COMMD1: variants seen among roughly 807,000 people sequenced by gnomAD.
COMMD1 encodes copper metabolism domain containing 1.
A neutral mutation model predicts 17.2 loss-of-function variants in COMMD1; 10 were observed. The observed-to-expected ratio is 0.58, with a 90% CI of 0.36 to 0.99. The LOEUF (loss-of-function observed/expected upper bound fraction) is 0.99, where lower values mean the gene tolerates loss of function less well. Among genes scored for constraint, COMMD1 ranks in the 50% least tolerant of loss-of-function variants. COMMD1 has a pLI of 0.01. For missense variants in COMMD1, 270 were observed against 231.8 expected, an observed-to-expected ratio of 1.17 and a Z score of -1.07; for synonymous variants, 97 against 91.6, an observed-to-expected ratio of 1.06 and a Z score of -0.34.
intron 2 of COMMD1, among the ~76,000 whole-genome samples, chr2:62,015,128 T>C (rs961061044): frequency 2.6e-5 from 4 of 152,192 alleles, no homozygotes; most frequent in Non-Finnish European, 2.9e-5. Context: ...TTTGCAGATC[T>C]TTCTTTTTTA....
intron 1 of COMMD1, among the ~76,000 whole-genome samples, chr2:61,917,357 A>T (rs1260600571): frequency 1.4e-5 from 2 of 141,140 alleles, no homozygotes; most frequent in Non-Finnish European, 3.1e-5. Flanking sequence ...ACTCCAGTTT[A>T]AAAAAAAAAA....
chr2:62,084,677 C>G (rs904323838), intron 2 of COMMD1: 3 of 152,158 alleles, frequency 2.0e-5, no homozygotes, highest in Admixed American at 2.0e-4. Context: ...CAGTTGCTTT[C>G]TGAATGGTTT....
At position 61,947,300 on chromosome 2, in the gene COMMD1, G is replaced by A. The variant is rs1445184526; in HGVS notation, c.180+41442G>A. On this transcript the variant is annotated intron_variant, in intron 1 of 2. Transcript: ENST00000311832. ...ATACCTGTCACTTAGTATAACTTAAGGTTTCAAATTACCAAACAGATTTTG... is the reference window on the plus strand; with the variant it reads ...ATACCTGTCACTTAGTATAACTTAAAGTTTCAAATTACCAAACAGATTTTG... 2.0e-5 allele frequency among the ~76,000 whole-genome samples: 3 copies of A among 152,024 alleles called. No homozygotes were observed. In the South Asian group the frequency reaches 6.2e-4, roughly 32 times the overall value.
At chr2:61,955,967 A>T (rs1395063430) in intron 1 of COMMD1, among the ~76,000 whole-genome samples, 1 of 152,192 alleles carries the variant, frequency 6.6e-6, no homozygotes, top group Non-Finnish European at 1.5e-5. Context: ...GATCACAGGC[A>T]TGAGCCACCA....
chr2:61,963,426 G>A (rs563512610), intron 1 of COMMD1, among the ~76,000 whole-genome samples: 1 of 151,848 alleles, frequency 6.6e-6, no homozygotes, highest in South Asian at 2.1e-4. Context: ...ACACCATCTC[G>A]GCTCACTGCA....
chr2:62,005,126 G>A (rs543739550), intron 2 of COMMD1, among the ~76,000 whole-genome samples: 2 of 152,306 alleles, frequency 1.3e-5, no homozygotes, highest in East Asian at 3.9e-4. Context: ...CTGTGGGGAT[G>A]GAACATAGGT....
intron 1 of COMMD1, among the ~76,000 whole-genome samples, chr2:61,976,678 A>G (rs895085769): frequency 5.3e-5 from 8 of 152,218 alleles, no homozygotes; most frequent in African/African-American, 1.9e-4. Context: ...AGTAACATTT[A>G]TGTACTACTA....
At chr2:62,042,658 G>A (rs902101603) in intron 2 of COMMD1, among the ~76,000 whole-genome samples, 15 of 152,194 alleles carry the variant, frequency 9.9e-5, no homozygotes, top group Non-Finnish European at 1.5e-4. Context: ...AGCCAGCCCC[G>A]GCGACGGGCT....
intron 2 of COMMD1, among the ~76,000 whole-genome samples, chr2:62,128,910 C>T (rs914814912): frequency 9.3e-5 from 14 of 151,042 alleles, no homozygotes; most frequent in African/African-American, 3.4e-4. Flanking sequence ...CGAGATCACG[C>T]CACTGCACTC....
chr2:61,922,794 G>A (rs1670232392), intron 1 of COMMD1, among the ~76,000 whole-genome samples: 1 of 152,166 alleles, frequency 6.6e-6, no homozygotes, highest in African/African-American at 2.4e-5. Flanking sequence ...TGTATATCCA[G>A]TATTTAGGAG....
At chr2:62,080,988 T>G (rs1176000450) in intron 2 of COMMD1, among the ~76,000 whole-genome samples, 1 of 152,128 alleles carries the variant, frequency 6.6e-6, no homozygotes, top group Non-Finnish European at 1.5e-5. Context: ...CTTTGTTGTT[T>G]TTATTGGTGT....
chr2:62,080,645 A>G (rs61273581), intron 2 of COMMD1, among the ~76,000 whole-genome samples: 4,785 of 152,320 alleles, frequency 0.031, 122 homozygotes, highest in East Asian at 0.088. Flanking sequence ...ACTGCTACTG[A>G]TAAAACTACT....
At chr2:61,936,189 G>A (rs778292889) in intron 1 of COMMD1, among the ~76,000 whole-genome samples, 4 of 151,982 alleles carry the variant, frequency 2.6e-5, no homozygotes, top group Admixed American at 6.6e-5. Context: ...ACCTATTAGC[G>A]TCTCTGGTAG....
chr2:62,119,049 A>G (rs2104067570), intron 2 of COMMD1: 1 of 152,394 alleles, frequency 6.6e-6, no homozygotes, highest in Non-Finnish European at 1.5e-5. Context: ...ATTTGGAGAT[A>G]AACACATAAA....
At chr2:62,003,053 G>C (rs1014403656) in intron 2 of COMMD1, among the ~76,000 whole-genome samples, 7 of 150,022 alleles carry the variant, frequency 4.7e-5, no homozygotes, top group Non-Finnish European at 5.9e-5. Flanking sequence ...GCCAACATGG[G>C]GAAACCCCAT....
chr2:61,908,825 C>T (rs557369003), intron 1 of COMMD1, among the ~76,000 whole-genome samples: 3 of 152,114 alleles, frequency 2.0e-5, no homozygotes, highest in Non-Finnish European at 4.4e-5. Flanking sequence ...CCTCCACCTC[C>T]CAAAGTGCTG....
chr2:61,990,754 A>C (rs965899105), intron 1 of COMMD1, among the ~76,000 whole-genome samples: 3 of 152,086 alleles, frequency 2.0e-5, no homozygotes, highest in African/African-American at 7.2e-5. Context: ...GGCATGGGAA[A>C]GACCCGCCCC....
In COMMD1 at chr2:62,074,686, A is replaced by G. The variant is rs1177449688; in HGVS notation, c.463-61145A>G. On this transcript the variant is annotated intron_variant, in intron 2 of 2. Coordinates refer to ENST00000311832, the MANE Select transcript of COMMD1 (RefSeq NM_152516.4). ...TTATCATTTTCACAGCACAGGAAAA[A>G]CAAAAACTAAGTGGTAAAATCATAA... 3.9e-5 allele frequency among the ~76,000 whole-genome samples: 6 copies of G among 152,230 alleles called. No individual in the cohort carries two copies. The East Asian group carries it at 1.2e-3, about 29-fold the overall frequency.
intron 2 of COMMD1, among the ~76,000 whole-genome samples, chr2:62,120,332 C>G: frequency 6.6e-6 from 1 of 150,492 alleles, no homozygotes; most frequent in Non-Finnish European, 1.5e-5. Context: ...CAATTCCTCT[C>G]TGTTTCTTTC....
Sources: gnomAD v4.1 joint callset for allele counts (sites outside exome capture counted in the v4.1 genomes callset) on GRCh38, gnomAD v4.1.1 for gene constraint, MANE v1.5 for transcripts, NCBI Gene and HGNC (gene_info 2026-07-23, HGNC 2026-07-21) for gene names.